Variants in CTNNA3 observed in about 807,000 individuals in gnomAD.
CTNNA3 encodes the protein catenin alpha-3.
Under a neutral mutation model 95.7 loss-of-function variants are expected in CTNNA3, and 76 were observed. The ratio of observed to expected loss-of-function variants is 0.79; its 90% CI spans 0.66 to 0.96. CTNNA3 has a LOEUF of 0.96. CTNNA3 is among the 40% of genes least tolerant of loss of function. The pLI is 0.00. For missense variants in CTNNA3, 1,191 were observed against 1,089.8 expected, an observed-to-expected ratio of 1.09 and a Z score of -1.31; for synonymous variants, 431 against 374.4, an observed-to-expected ratio of 1.15 and a Z score of -1.74.
chr10:67,680,336 A>G lies in CTNNA3; in HGVS notation c.-6+15664T>C, dbSNP rs561258658. 2.0e-5 allele frequency among the ~76,000 whole-genome samples: 3 copies of G among 152,370 alleles called. No individual in the cohort carries two copies. The South Asian group carries it at 6.2e-4, about 32-fold the overall frequency. On this transcript the variant is annotated intron_variant, in intron 1 of 17. Transcript: ENST00000433211. ...CAATTTGTATGCCTCACTAGGGACT[A>G]TCAGTCCTCACTAACAGATAAAACA... is the stretch of plus-strand genomic sequence containing the variant.
At chr10:67,420,996 T>C (rs1382414440) in intron 5 of CTNNA3, among the ~76,000 whole-genome samples, 4 of 152,148 alleles carry the variant, frequency 2.6e-5, no homozygotes, top group Admixed American at 2.6e-4. Flanking sequence ...AGGTACATGT[T>C]AAAGGCCTCT....
chr10:66,582,051 G>A (rs1843206692), intron 10 of CTNNA3, among the ~76,000 whole-genome samples: 1 of 151,724 alleles, frequency 6.6e-6, no homozygotes, highest in Non-Finnish European at 1.5e-5. Flanking sequence ...CGTTAGCCTT[G>A]TAGTAAAATT....
chr10:67,067,268 A>T (rs1422700237), intron 7 of CTNNA3, among the ~76,000 whole-genome samples: 1 of 149,972 alleles, frequency 6.7e-6, no homozygotes. Flanking sequence ...TATTAGAATC[A>T]TTTTATGACA....
intron 1 of CTNNA3, among the ~76,000 whole-genome samples, chr10:67,727,481 ATAT>A (rs1428153976): frequency 2.3e-5 from 3 of 132,430 alleles, no homozygotes; most frequent in Non-Finnish European, 4.7e-5. Flanking sequence ...ATATATTTAT[ATAT>A]TATATTAAAC....
chr10:66,019,622 C>G (rs2133419381), intron 15 of CTNNA3, among the ~76,000 whole-genome samples: 1 of 151,800 alleles, frequency 6.6e-6, no homozygotes, highest in East Asian at 1.9e-4. Flanking sequence ...ATTAAATGAT[C>G]TAAGTAAACA....
chr10:67,434,598 T>C (rs1247784353), intron 5 of CTNNA3, among the ~76,000 whole-genome samples: 1 of 151,940 alleles, frequency 6.6e-6, no homozygotes, highest in Admixed American at 6.6e-5. Flanking sequence ...TGTGTATATG[T>C]TTAAGCCCAT....
At chr10:66,795,944 G>C (rs891338150) in intron 7 of CTNNA3, among the ~76,000 whole-genome samples, 3 of 151,778 alleles carry the variant, frequency 2.0e-5, no homozygotes, top group Non-Finnish European at 4.4e-5. Context: ...CATAAAATCA[G>C]ACAGTTAGGG....
At chr10:67,732,104 T>C (rs965988089) in intron 1 of CTNNA3, among the ~76,000 whole-genome samples, 7 of 151,846 alleles carry the variant, frequency 4.6e-5, no homozygotes, top group Admixed American at 2.6e-4. Flanking sequence ...TTAAGCTTAA[T>C]TGAAAAATAA....
intron 7 of CTNNA3, among the ~76,000 whole-genome samples, chr10:66,969,571 C>T (rs571201419): frequency 6.6e-6 from 1 of 152,096 alleles, no homozygotes; most frequent in African/African-American, 2.4e-5. Flanking sequence ...CATTTTTGAT[C>T]CATAACACCA....
chr10:67,339,032 T>G (rs1163848380), intron 5 of CTNNA3, among the ~76,000 whole-genome samples: 2 of 152,158 alleles, frequency 1.3e-5, no homozygotes, highest in African/African-American at 4.8e-5. Flanking sequence ...TGACCAATAT[T>G]TCTCTTCTAG....
intron 1 of CTNNA3, among the ~76,000 whole-genome samples, chr10:67,693,712 C>G (rs1840912563): frequency 6.6e-6 from 1 of 152,174 alleles, no homozygotes; most frequent in South Asian, 2.1e-4. Context: ...ATTGATATCT[C>G]TAATCTCTCC....
At chr10:66,734,872 C>T (rs1382568136) in intron 9 of CTNNA3, among the ~76,000 whole-genome samples, 1 of 132,720 alleles carries the variant, frequency 7.5e-6, no homozygotes. Context: ...AAGACTGTTT[C>T]AAAAAAAAAA....
intron 13 of CTNNA3, among the ~76,000 whole-genome samples, chr10:66,267,401 A>G (rs1315194698): frequency 6.6e-6 from 1 of 152,084 alleles, no homozygotes; most frequent in Non-Finnish European, 1.5e-5. Context: ...ATGTCAACAA[A>G]TGGCTACATC....
chr10:66,967,295 T>C (rs551190532), intron 7 of CTNNA3, among the ~76,000 whole-genome samples: 4 of 151,812 alleles, frequency 2.6e-5, no homozygotes, highest in East Asian at 1.9e-4. Context: ...TGGATAGATA[T>C]AGATATAGGT....
intron 15 of CTNNA3, among the ~76,000 whole-genome samples, chr10:66,055,921 CAAAAAAAAAA>C (rs386371652): frequency 3.3e-5 from 2 of 60,214 alleles, no homozygotes; most frequent in African/African-American, 6.7e-5. Context: ...GACTCCATCT[CAAAAAAAAAA>C]AAAAAAAAAA....
intron 9 of CTNNA3, among the ~76,000 whole-genome samples, chr10:66,740,981 G>T (rs1454871841): frequency 6.6e-6 from 1 of 152,168 alleles, no homozygotes; most frequent in Non-Finnish European, 1.5e-5. Flanking sequence ...TGTTGGAAAT[G>T]CAGATTCATG....
intron 3 of CTNNA3, among the ~76,000 whole-genome samples, chr10:67,593,834 A>G (rs1174698377): frequency 4.6e-5 from 7 of 152,000 alleles, no homozygotes; most frequent in Non-Finnish European, 8.8e-5. Flanking sequence ...CTTGTCTTGC[A>G]CCAGTTCTCA....
chr10:66,881,749 C>G (rs772442661), intron 7 of CTNNA3, among the ~76,000 whole-genome samples: 1 of 152,014 alleles, frequency 6.6e-6, no homozygotes, highest in Non-Finnish European at 1.5e-5. Flanking sequence ...AAAGAGCAAT[C>G]TGTGATAATG....
chr10:67,559,507 G>C (rs1275160638), intron 3 of CTNNA3, among the ~76,000 whole-genome samples: 3 of 152,060 alleles, frequency 2.0e-5, no homozygotes, highest in Non-Finnish European at 4.4e-5. Flanking sequence ...CATCATCAAA[G>C]ACCAAAAGTA....
Sources: allele counts gnomAD v4.1 joint callset (sites outside exome capture counted in the v4.1 genomes callset), GRCh38; gene constraint gnomAD v4.1.1; transcripts MANE v1.5; gene names NCBI Gene and HGNC (gene_info 2026-07-23, HGNC 2026-07-21).